Variants in LPP observed in about 807,000 individuals in gnomAD.
LPP encodes LIM domain containing preferred translocation partner in lipoma.
Under a neutral mutation model 60.4 loss-of-function variants are expected in LPP, and 38 were observed. The observed-to-expected ratio is 0.63, with a 90% CI of 0.49 to 0.83. LPP has a LOEUF of 0.83. LPP is among the 40% of genes least tolerant of loss of function. The pLI, the probability that LPP is intolerant of heterozygous loss-of-function variation, is 0.00. For synonymous variants in LPP, 328 were observed against 290.8 expected (o/e 1.13, Z -1.30); for missense variants, 902 against 783.6 (o/e 1.15, Z -1.80).
intron 9 of LPP, among the ~76,000 whole-genome samples, chr3:188,821,271 A>G (rs1389615733): frequency 6.7e-6 from 1 of 150,268 alleles, no homozygotes; most frequent in Non-Finnish European, 1.5e-5. Flanking sequence ...TTATAGCTAA[A>G]TATTTAGAAT....
At chr3:188,495,083 T>TATTTA (rs57578460) in intron 5 of LPP, among the ~76,000 whole-genome samples, 1 of 77,812 alleles carries the variant, frequency 1.3e-5, no homozygotes, top group African/African-American at 8.6e-5. Context: ...TATATATATA[T>TATTTA]TTTATTTATA....
chr3:188,639,420 A>G (rs1334051275), intron 7 of LPP, among the ~76,000 whole-genome samples: 1 of 151,782 alleles, frequency 6.6e-6, no homozygotes, highest in Non-Finnish European at 1.5e-5. Context: ...ACCCTAGAAG[A>G]AAACCTAGGC....
intron 2 of LPP, among the ~76,000 whole-genome samples, chr3:188,228,056 C>A (rs941796098): frequency 1.5e-4 from 23 of 152,350 alleles, no homozygotes; most frequent in African/African-American, 5.3e-4. Context: ...CTTTAGCCCC[C>A]CTGTCAGAGA....
intron 7 of LPP, among the ~76,000 whole-genome samples, chr3:188,704,412 C>G (rs1394652665): frequency 6.6e-6 from 1 of 152,056 alleles, no homozygotes; most frequent in Non-Finnish European, 1.5e-5. Flanking sequence ...TAGAAGAGAA[C>G]CTGAAGTTAT....
At chr3:188,735,491 C>T (rs1013146135) in intron 8 of LPP, among the ~76,000 whole-genome samples, 1 of 151,988 alleles carries the variant, frequency 6.6e-6, no homozygotes, top group African/African-American at 2.4e-5. Flanking sequence ...AAGCAATTCT[C>T]CTGCCTCAGC....
chr3:188,173,992 C>T (rs1722353215), intron 1 of LPP, among the ~76,000 whole-genome samples: 1 of 152,144 alleles, frequency 6.6e-6, no homozygotes, highest in Non-Finnish European at 1.5e-5. Context: ...AGGACTTAAC[C>T]CTCACAAAAT....
In LPP at chr3:188,415,722, C is replaced by T. The variant is rs201709575; in HGVS notation, c.193+9409C>T. ...TATATGATTTCATTTTAAGACAAAG[C>T]TCTAGAGATAAAGGACATATTCATG... On this transcript the variant is annotated intron_variant, in intron 4 of 11. Coordinates refer to ENST00000617246, the MANE Select transcript of LPP (RefSeq NM_001375462.1). Among the ~76,000 whole-genome samples, 18 of 139,764 alleles carry T rather than the reference C, an allele frequency of 1.3e-4. No individual in the cohort carries two copies. In the East Asian group the frequency reaches 3.9e-3, roughly 30 times the overall value. 91.7% of individuals were successfully genotyped at this position (139,764 alleles called of 152,430 possible).
rs184214265 is a variant in LPP at position 188,173,909 on chromosome 3, A to T, written c.-190+19657A>T. Reference sequence around the variant, plus strand: ...GGGACTCCCAAAAATTAGGGTTTGGATCCAGGCTCCTCCACCTTTCCCCTC... The same window carrying T: ...GGGACTCCCAAAAATTAGGGTTTGGTTCCAGGCTCCTCCACCTTTCCCCTC... On this transcript the variant is annotated intron_variant, in intron 1 of 11. Transcript: ENST00000617246. Among the ~76,000 whole-genome samples, 3 of 152,308 alleles carry T rather than the reference A, an allele frequency of 2.0e-5. No homozygotes were observed. The East Asian group carries it at 5.8e-4, about 29-fold the overall frequency.
At chr3:188,281,109 A>G (rs960811088) in intron 2 of LPP, among the ~76,000 whole-genome samples, 1 of 152,072 alleles carries the variant, frequency 6.6e-6, no homozygotes, top group African/African-American at 2.4e-5. Flanking sequence ...ACAAAATGAA[A>G]TAATGCATGT....
chr3:188,220,632 C>G (rs536183496), intron 1 of LPP, among the ~76,000 whole-genome samples: 1 of 152,214 alleles, frequency 6.6e-6, no homozygotes, highest in African/African-American at 2.4e-5. Context: ...GCTTAAGAGA[C>G]AGCAGAAAGG....
chr3:188,420,487 A>G (rs758030011), intron 4 of LPP, among the ~76,000 whole-genome samples: 24 of 152,198 alleles, frequency 1.6e-4, no homozygotes, highest in Non-Finnish European at 3.4e-4. Flanking sequence ...AGGGATTATT[A>G]ACTACACAAT....
chr3:188,240,529 G>A (rs114313442), intron 2 of LPP, among the ~76,000 whole-genome samples: 257 of 152,194 alleles, frequency 1.7e-3, no homozygotes, highest in African/African-American at 5.4e-3. Flanking sequence ...TTGTAGGGAA[G>A]GAAACTGATG....
At chr3:188,607,418 A>AAATT (rs1553941235) in intron 6 of LPP, among the ~76,000 whole-genome samples, 1 of 38,498 alleles carries the variant, frequency 2.6e-5, no homozygotes, top group East Asian at 3.6e-4. Context: ...TATATATATA[A>AAATT]TTTTTTTTTC....
chr3:188,243,015 G>A (rs140847109), intron 2 of LPP, among the ~76,000 whole-genome samples: 1 of 152,242 alleles, frequency 6.6e-6, no homozygotes, highest in East Asian at 1.9e-4. Context: ...ATATTGTTTA[G>A]GCCCTGAATG....
In LPP at chr3:188,714,084, G is replaced by A. The variant is rs1318742047; in HGVS notation, c.1240+5691G>A. Among the ~76,000 whole-genome samples, 5 of 152,128 alleles carry A rather than the reference G, an allele frequency of 3.3e-5. No individual in the cohort carries two copies. In the East Asian group the frequency reaches 9.7e-4, roughly 29 times the overall value. ...TGTCTTCATTTCATTTTTTGGATGG[G>A]GAAATAGAGATTCAGAGAGGCTCAG... On this transcript the variant is annotated intron_variant, in intron 8 of 11. Transcript: ENST00000617246.
chr3:188,359,185 C>T (rs1458623529), intron 3 of LPP, among the ~76,000 whole-genome samples: 2 of 152,152 alleles, frequency 1.3e-5, no homozygotes, highest in Admixed American at 1.3e-4. Flanking sequence ...AAAACTTGCT[C>T]CATTCTCAGG....
chr3:188,798,760 G>A (rs1746134279), intron 9 of LPP, among the ~76,000 whole-genome samples: 2 of 143,464 alleles, frequency 1.4e-5, no homozygotes. Context: ...AACAACATGG[G>A]AAGCCCACGC....
At chr3:188,859,254 A>C (rs1283713913) in intron 9 of LPP, among the ~76,000 whole-genome samples, 2 of 152,158 alleles carry the variant, frequency 1.3e-5, no homozygotes, top group Non-Finnish European at 2.9e-5. Context: ...ATTAGATATT[A>C]AAGACTCTTG....
chr3:188,623,724 T>C (rs1307864396), intron 7 of LPP, among the ~76,000 whole-genome samples: 2 of 152,256 alleles, frequency 1.3e-5, no homozygotes, highest in African/African-American at 4.8e-5. Context: ...ACTCAAATTG[T>C]CACTGCTGTG....
Sources: allele counts gnomAD v4.1 joint callset (sites outside exome capture counted in the v4.1 genomes callset), GRCh38; gene constraint gnomAD v4.1.1; transcripts MANE v1.5; gene names NCBI Gene and HGNC (gene_info 2026-07-23, HGNC 2026-07-21).